NT5C: variants seen among roughly 807,000 people sequenced by gnomAD.
NT5C encodes the protein 5'(3')-deoxyribonucleotidase, cytosolic type.
Under a neutral mutation model 17.6 loss-of-function variants are expected in NT5C, and 14 were observed. That is an observed-to-expected ratio of 0.79 (90% CI 0.52 to 1.24). The LOEUF (loss-of-function observed/expected upper bound fraction) is 1.24, where lower values mean the gene tolerates loss of function less well. Ranked by LOEUF, NT5C falls within the 50% of genes most tolerant of loss-of-function variation. The pLI, the probability that NT5C is intolerant of heterozygous loss-of-function variation, is 0.00. For synonymous variants in NT5C, 153 were observed against 119.2 expected, an observed-to-expected ratio of 1.28 and a Z score of -1.85; for missense variants, 328 against 278.3, an observed-to-expected ratio of 1.18 and a Z score of -1.27.
At position 75,131,683 on chromosome 17, in the gene NT5C, C is replaced by A; in HGVS notation, c.25G>T (p.Val9Leu). The A allele has an allele frequency of 1.5e-6, 2 of 1,318,042 alleles. No homozygotes were observed. Among genetic ancestry groups the A allele is most frequent in the Non-Finnish European group, 1.9e-6 (2 of 1,036,682 alleles). 81.6% of individuals were successfully genotyped at this position (1,318,042 alleles called of 1,614,324 possible). The change falls in exon 1 of 5, where the codon GTG (valine) becomes TTG (leucine). Residue 9 changes from valine (V) to leucine (L), a missense_variant. Physicochemically the swap from Val to Leu is conservative, Grantham distance 32. Coordinates refer to ENST00000245552, the MANE Select transcript of NT5C (RefSeq NM_014595.3). MARSVRVLVDMDGVLADFE... is the reference protein window; with the variant it reads MARSVRVLLDMDGVLADFE... The stretch of plus-strand genomic sequence containing the variant: ...TCGGCCAGGACGCCGTCCATGTCCA[C>A]CAGCACGCGCACGCTCCGCGCCATC...
intron 3 of NT5C, 85 bp from the exon 4 acceptor site, chr17:75,130,952 C>A: frequency 6.2e-7 from 1 of 1,605,136 alleles, no homozygotes. Flanking sequence ...CCTTGAGAGC[C>A]CCCCACCCCC....
Position 75,130,783 on chromosome 17 carries a change from G to C in NT5C, c.421C>G (p.Leu141Val). The C allele has an allele frequency of 6.2e-7, 1 of 1,614,144 alleles. No individual in the cohort carries two copies. The highest frequency in any genetic ancestry group is 8.5e-7 in the Non-Finnish European group (1 of 1,180,020). ...ACTGTGTCCTTGTCATCAATGAGCA[G>C]GTCCCCCAAGACCACCGTCTTGTCC... ...TRDKTVVLGD[L>V]LIDDKDTVRG... The change falls in exon 4 of 5, where the codon CTG (leucine) becomes GTG (valine). Residue 141 changes from leucine to valine, a missense_variant. Coordinates refer to ENST00000245552, the MANE Select transcript of NT5C (RefSeq NM_014595.3).
In NT5C at chr17:75,131,280, T is replaced by C; in HGVS notation, c.176A>G (p.Asp59Gly). The C allele has an allele frequency of 6.2e-7, 1 of 1,613,740 alleles. No homozygotes were observed. The highest frequency in any genetic ancestry group is 8.5e-7 in the Non-Finnish European group (1 of 1,179,932). Reference sequence around the variant, plus strand: ...GGCTTCGTACACACTGGCCACTTTATCCTGAAAGACAAGAGTTCTGGGTCC... The same window carrying C: ...GGCTTCGTACACACTGGCCACTTTACCCTGAAAGACAAGAGTTCTGGGTCC... ...QYRALRPDLA[D>G]KVASVYEAPG... Residue 59 changes from aspartate (D) to glycine (G), a missense_variant and splice_region_variant, in exon 2 of 5, where the codon GAT (aspartate) becomes GGT (glycine). Asp to Gly is a moderately conservative substitution (Grantham distance 94, BLOSUM62 -1). Coordinates refer to ENST00000245552, the MANE Select transcript of NT5C (RefSeq NM_014595.3).
chr17:75,131,169 C>G lies in NT5C; in HGVS notation c.275+12G>C, dbSNP rs746432850. 3 of 1,613,074 alleles carry G rather than the reference C, an allele frequency of 1.9e-6. No homozygotes were observed. Among genetic ancestry groups the G allele is most frequent in the African/African-American group, 1.3e-5 (1 of 75,040 alleles). ...CCCGCCCAGGACTCCGCCCGCCCCC[C>G]TCTCTCCTTACTCCGGTAGGTCGTT... On this transcript the variant is annotated intron_variant, in intron 2 of 4. Coordinates refer to ENST00000245552, the MANE Select transcript of NT5C (RefSeq NM_014595.3).
chr17:75,130,944 T>G, intron 3 of NT5C, 77 bp from the exon 4 acceptor site: 1 of 1,608,706 alleles, frequency 6.2e-7, no homozygotes, highest in Non-Finnish European at 8.5e-7. Flanking sequence ...CTCTAAGCCC[T>G]TGAGAGCCCC....
intron 3 of NT5C, 54 bp from the exon 4 acceptor site, chr17:75,130,921 G>A (rs973755478): frequency 6.2e-7 from 1 of 1,612,884 alleles, no homozygotes; most frequent in Non-Finnish European, 8.5e-7. Context: ...GGAATTCAGG[G>A]ATAGGGACTT....
At chr17:75,131,322 C>T in intron 1 of NT5C, 41 bp from the exon 2 acceptor site, 5 of 1,598,292 alleles carry the variant, frequency 3.1e-6, no homozygotes, top group Non-Finnish European at 4.3e-6. Context: ...CCCGTTCCCG[C>T]GAGGACCCGC....
Position 75,131,066 on chromosome 17 carries a change from G to T in NT5C, c.315C>A (p.Tyr105Ter), listed in dbSNP as rs1456195807. The T allele has an allele frequency of 6.2e-7, 1 of 1,612,944 alleles. No individual in the cohort carries two copies. The highest frequency in any genetic ancestry group is 2.2e-5 in the East Asian group (1 of 44,866). The change falls in exon 3 of 5, where the codon TAC becomes TAA. Residue 105 changes from tyrosine to a stop codon, truncating the protein, a stop_gained. Transcript: ENST00000245552. LOFTEE classifies it high-confidence loss of function. The stretch of plus-strand genomic sequence containing the variant: ...ACACCTTCTCACCCACACAGTGGTG[G>T]TACTTCAGCAGGGGGCTGGTGCAGA... ...VFICTSPLLK[Y>*]HHCVGEKYRW...
At position 75,131,060 on chromosome 17, in the gene NT5C, G is replaced by A. The variant is rs763431390; in HGVS notation, c.321C>T (p.His107=). Residue 107 remains histidine, a synonymous_variant, in exon 3 of 5, where the codon CAC becomes CAT. Coordinates refer to ENST00000245552, the MANE Select transcript of NT5C (RefSeq NM_014595.3). The part of the protein sequence containing the change: ...ICTSPLLKYH[H]CVGEKYRWVE... ...GCAGCCACACCTTCTCACCCACACA[G>A]TGGTGGTACTTCAGCAGGGGGCTGG... 10 of 1,612,838 alleles carry A rather than the reference G, an allele frequency of 6.2e-6. No individual in the cohort carries two copies.
chr17:75,130,914 A>AT, intron 3 of NT5C, 47 bp from the exon 4 acceptor site: 1 of 1,613,344 alleles, frequency 6.2e-7, no homozygotes, highest in African/African-American at 1.3e-5. Flanking sequence ...GGAAGCCGGA[A>AT]TTCAGGGATA....
In NT5C at chr17:75,131,567, G is replaced by T; in HGVS notation, c.141C>A (p.Arg47=). ...CGGGCCGCAGGGCGCGGTACTGCTC[G>T]CGGGCCAGGAAGCCGCGGCGTTGCT... ...PLEQRRGFLA[R]EQYRALRPDL... Residue 47 remains arginine, a synonymous_variant, in exon 1 of 5, where the codon CGC becomes CGA. Transcript: ENST00000245552. The T allele has an allele frequency of 7.2e-7, 1 of 1,395,670 alleles. No individual in the cohort carries two copies. The highest frequency in any genetic ancestry group is 1.5e-5 in the African/African-American group (1 of 65,828). The allele number at this position is 1,395,670 out of a possible 1,614,324, so 86.5% of individuals were successfully genotyped here.
At position 75,130,435 on chromosome 17, in the gene NT5C, C is replaced by T. The variant is rs1179490391; in HGVS notation, c.*53G>A. On this transcript the variant is annotated 3_prime_UTR_variant, in exon 5 of 5. Coordinates refer to ENST00000245552, the MANE Select transcript of NT5C (RefSeq NM_014595.3). ...CGCCCCGACTCGGCTCTGCGGTGGCCCCTGTGGGCCTGCCCTTCCTTTAGC... is the reference window on the plus strand; with the variant it reads ...CGCCCCGACTCGGCTCTGCGGTGGCTCCTGTGGGCCTGCCCTTCCTTTAGC... 1.9e-6 allele frequency: 3 copies of T among 1,602,738 alleles called. No homozygotes were observed. Among genetic ancestry groups the T allele is most frequent in the African/African-American group, 1.3e-5 (1 of 74,752 alleles).
chr17:75,130,778 G>T lies in NT5C; in HGVS notation c.426C>A (p.Leu142=). 1 of 1,614,126 alleles carries T rather than the reference G, an allele frequency of 6.2e-7. No homozygotes were observed. Among genetic ancestry groups the T allele is most frequent in the African/African-American group, 1.3e-5 (1 of 75,032 alleles). ...RDKTVVLGDL[L]IDDKDTVRGQ... ...CTCGAACTGTGTCCTTGTCATCAAT[G>T]AGCAGGTCCCCCAAGACCACCGTCT... Residue 142 remains leucine (L), a synonymous_variant, in exon 4 of 5, where the codon CTC becomes CTA. Transcript: ENST00000245552.
intron 1 of NT5C, 52 bp from the exon 2 acceptor site, chr17:75,131,333 A>G: frequency 6.3e-7 from 1 of 1,582,444 alleles, no homozygotes; most frequent in Non-Finnish European, 8.6e-7. Flanking sequence ...GAGGACCCGC[A>G]GGGAGGCTCC....
At position 75,130,807 on chromosome 17, in the gene NT5C, C is replaced by G. The variant is rs760912184; in HGVS notation, c.397G>C (p.Asp133His). 6.2e-7 allele frequency: 1 copy of G among 1,614,042 alleles called. No individual in the cohort carries two copies. Among genetic ancestry groups the G allele is most frequent in the African/African-American group, 1.3e-5 (1 of 74,926 alleles). The change falls in exon 4 of 5, where the codon GAC becomes CAC. Residue 133 changes from aspartate (D) to histidine (H), a missense_variant. Asp to His is a moderately conservative substitution (Grantham distance 81, BLOSUM62 -1). Transcript: ENST00000245552. The part of the protein sequence containing the change: ...QFVERIILTR[D>H]KTVVLGDLLI... ...AGGTCCCCCAAGACCACCGTCTTGT[C>G]CCTTGTCAGGATAATTCGTTCTACG...
At chr17:75,131,306 C>A in intron 1 of NT5C, 25 bp from the exon 2 acceptor site, 1 of 1,608,888 alleles carries the variant, frequency 6.2e-7, no homozygotes, top group Non-Finnish European at 8.5e-7. Context: ...TTCTGGGTCC[C>A]GGCTTCCCGT....
chr17:75,130,401 GC>G lies in NT5C; in HGVS notation c.*86del. 1 of 1,515,750 alleles carries G rather than the reference GC, an allele frequency of 6.6e-7. No homozygotes were observed. Among genetic ancestry groups the G allele is most frequent in the African/African-American group, 1.4e-5 (1 of 73,250 alleles). 93.9% of individuals were successfully genotyped at this position (1,515,750 alleles called of 1,614,324 possible). On this transcript the variant is annotated 3_prime_UTR_variant, in exon 5 of 5. Coordinates refer to ENST00000245552, the MANE Select transcript of NT5C (RefSeq NM_014595.3). ...CCACTCCACGGGGCCAGAGGCACCA[GC>G]ACGATGCCGCCCCGACTCGGCTCTG...
In NT5C at chr17:75,131,570, G is replaced by A; in HGVS notation, c.138C>T (p.Ala46=). Residue 46 remains alanine, a synonymous_variant, in exon 1 of 5, where the codon GCC becomes GCT. Transcript: ENST00000245552. ...VPLEQRRGFL[A]REQYRALRPD... The stretch of plus-strand genomic sequence containing the variant: ...GCCGCAGGGCGCGGTACTGCTCGCG[G>A]GCCAGGAAGCCGCGGCGTTGCTCCA... 7.2e-7 allele frequency: 1 copy of A among 1,393,276 alleles called. No homozygotes were observed. Among genetic ancestry groups the A allele is most frequent in the Non-Finnish European group, 9.2e-7 (1 of 1,082,042 alleles). The allele number at this position is 1,393,276 out of a possible 1,614,324, so 86.3% of individuals were successfully genotyped here.
chr17:75,130,744 G>C lies in NT5C; in HGVS notation c.451+9C>G, dbSNP rs768473987. 6.2e-7 allele frequency: 1 copy of C among 1,613,952 alleles called. No homozygotes were observed. Among genetic ancestry groups the C allele is most frequent in the Non-Finnish European group, 8.5e-7 (1 of 1,179,808 alleles). ...AGGCCTGGAGGCTGCCAAGGATAAC[G>C]GGTCCAACCTCGAACTGTGTCCTTG... is the stretch of plus-strand genomic sequence containing the variant. On this transcript the variant is annotated intron_variant, in intron 4 of 4. Coordinates refer to ENST00000245552, the MANE Select transcript of NT5C (RefSeq NM_014595.3).
Sources: allele counts gnomAD v4.1 joint callset, GRCh38; gene constraint gnomAD v4.1.1; transcripts MANE v1.5; gene names NCBI Gene and HGNC (gene_info 2026-07-23, HGNC 2026-07-21).